HECW2: variants seen among roughly 807,000 people sequenced by gnomAD.
HECW2 encodes E3 ubiquitin-protein ligase HECW2.
In HECW2, 61 loss-of-function variants were observed where a neutral mutation model predicts 175.2. That is an observed-to-expected ratio of 0.35 (90% CI 0.28 to 0.43). HECW2 has a LOEUF of 0.43. HECW2 is among the 20% of genes least tolerant of loss of function. The pLI, the probability that HECW2 is intolerant of heterozygous loss-of-function variation, is 1.00. For synonymous variants in HECW2, 671 were observed against 731.0 expected (o/e 0.92, Z 1.32); for missense variants, 1,524 against 2,000.5 (o/e 0.76, Z 4.54).
Position 196,254,972 on chromosome 2 carries a change from CTTTT to C in HECW2, c.3420-947_3420-944del, listed in dbSNP as rs10587104. Among the ~76,000 whole-genome samples the C allele has an allele frequency of 2.3e-3, 279 of 120,466 alleles. 1 individual carries two copies. Among genetic ancestry groups the C allele is most frequent in the Non-Finnish European group, 3.6e-3 (202 of 55,842 alleles). The allele number at this position is 120,466 out of a possible 152,430, so 79.0% of individuals were successfully genotyped here. The stretch of plus-strand genomic sequence containing the variant: ...CTTTATGTATCCACAATCTGGTTTC[CTTTT>C]TTTTTTTTTTTTTCTGAGACAGAGT... On this transcript the variant is annotated intron_variant, in intron 18 of 28. Transcript: ENST00000644978.
At chr2:196,463,014 A>T (rs1696808960) in intron 1 of HECW2, among the ~76,000 whole-genome samples, 1 of 152,294 alleles carries the variant, frequency 6.6e-6, no homozygotes, top group African/African-American at 2.4e-5. Context: ...GTAGTATGCC[A>T]GGGCTTCTGA....
At chr2:196,410,354 T>C (rs6759442) in intron 2 of HECW2, among the ~76,000 whole-genome samples, 3,670 of 152,276 alleles carry the variant, frequency 0.024, 156 homozygotes, top group African/African-American at 0.083. Context: ...TTTGTAAGTG[T>C]GTTGGAGCCA....
intron 2 of HECW2, among the ~76,000 whole-genome samples, chr2:196,348,738 T>A (rs1427760647): frequency 6.6e-6 from 1 of 152,194 alleles, no homozygotes; most frequent in East Asian, 1.9e-4. Flanking sequence ...AATTATAACT[T>A]TATTTCTTCC....
intron 2 of HECW2, among the ~76,000 whole-genome samples, chr2:196,345,723 C>T (rs1286780327): frequency 6.6e-6 from 1 of 152,174 alleles, no homozygotes; most frequent in Non-Finnish European, 1.5e-5. Flanking sequence ...TATACCCATC[C>T]TAAAAACCAC....
intron 1 of HECW2, among the ~76,000 whole-genome samples, chr2:196,557,521 G>A (rs1233420229): frequency 1.3e-5 from 2 of 152,078 alleles, no homozygotes; most frequent in Non-Finnish European, 2.9e-5. Flanking sequence ...GCACAAAAGT[G>A]TATACAGCTT....
chr2:196,390,359 T>C (rs1269803107), intron 2 of HECW2, among the ~76,000 whole-genome samples: 3 of 152,200 alleles, frequency 2.0e-5, no homozygotes, highest in East Asian at 3.9e-4. Flanking sequence ...GTCAACTTGA[T>C]AGTTTAATTA....
chr2:196,329,661 A>G lies in HECW2; in HGVS notation c.496-11T>C, dbSNP rs1692285313. On this transcript the variant is annotated splice_polypyrimidine_tract_variant and intron_variant, in intron 4 of 28. Transcript: ENST00000644978. ...GCCTTCTGCCCCCATCTGAAAAGAA[A>G]AAACATGCATCTGAAGTTTCAGAAG... 6.2e-7 allele frequency: 1 copy of G among 1,612,226 alleles called. No individual in the cohort carries two copies. Among genetic ancestry groups the G allele is most frequent in the South Asian group, 1.1e-5 (1 of 91,028 alleles).
chr2:196,551,172 A>G (rs1048812264), intron 1 of HECW2, among the ~76,000 whole-genome samples: 1 of 152,210 alleles, frequency 6.6e-6, no homozygotes. Context: ...ATAGCTCCAT[A>G]GGCTACATAA....
chr2:196,507,298 G>A (rs1559148814), intron 1 of HECW2, among the ~76,000 whole-genome samples: 1 of 151,210 alleles, frequency 6.6e-6, no homozygotes, highest in East Asian at 1.9e-4. Flanking sequence ...CTTTTTTGAG[G>A]TAAGTAATAC....
intron 1 of HECW2, among the ~76,000 whole-genome samples, chr2:196,572,514 A>C (rs938926257): frequency 3.9e-5 from 6 of 152,140 alleles, no homozygotes; most frequent in African/African-American, 1.4e-4. Context: ...AGAGTTCTAG[A>C]GATTGGTTGC....
At chr2:196,572,302 C>T (rs1326061873) in intron 1 of HECW2, among the ~76,000 whole-genome samples, 1 of 152,106 alleles carries the variant, frequency 6.6e-6, no homozygotes, top group Non-Finnish European at 1.5e-5. Context: ...CCCACCTCAG[C>T]CTCTCAAGTA....
chr2:196,496,424 T>C (rs1687395627), intron 1 of HECW2, among the ~76,000 whole-genome samples: 1 of 150,950 alleles, frequency 6.6e-6, no homozygotes. Flanking sequence ...ATATATATAG[T>C]ACATATATTT....
chr2:196,367,854 TTGTGTGTG>T (rs59971469), intron 2 of HECW2, among the ~76,000 whole-genome samples: 9 of 130,182 alleles, frequency 6.9e-5, no homozygotes, highest in African/African-American at 2.6e-4. Flanking sequence ...TAGTACTCCA[TTGTGTGTG>T]TGTGTGTGTG....
intron 18 of HECW2, among the ~76,000 whole-genome samples, chr2:196,255,441 T>C (rs1014593087): frequency 1.3e-5 from 2 of 152,128 alleles, no homozygotes; most frequent in African/African-American, 4.8e-5. Context: ...CTGATAGAGG[T>C]ATATTTTTTA....
intron 2 of HECW2, among the ~76,000 whole-genome samples, chr2:196,375,387 A>G (rs1694024552): frequency 6.6e-6 from 1 of 152,236 alleles, no homozygotes; most frequent in Non-Finnish European, 1.5e-5. Flanking sequence ...AGACACACAC[A>G]GAAATCACAC....
intron 1 of HECW2, among the ~76,000 whole-genome samples, chr2:196,574,785 GTTACA>G (rs1388796687): frequency 6.6e-6 from 1 of 152,092 alleles, no homozygotes; most frequent in Non-Finnish European, 1.5e-5. Flanking sequence ...ATATTACCAA[GTTACA>G]TTAATCAAAA....
At chr2:196,335,813 C>T (rs1020525081) in intron 3 of HECW2, among the ~76,000 whole-genome samples, 1 of 152,162 alleles carries the variant, frequency 6.6e-6, no homozygotes, top group Admixed American at 6.6e-5. Context: ...ATTTTTACTA[C>T]GTACCTGCCA....
At chr2:196,315,072 T>C (rs934189830) in intron 10 of HECW2, among the ~76,000 whole-genome samples, 6 of 151,768 alleles carry the variant, frequency 4.0e-5, no homozygotes, top group Non-Finnish European at 7.4e-5. Context: ...TATGCTCAGA[T>C]CACAATCCAA....
intron 1 of HECW2, among the ~76,000 whole-genome samples, chr2:196,524,864 T>C (rs1028458065): frequency 1.6e-4 from 20 of 124,730 alleles, no homozygotes; most frequent in Non-Finnish European, 6.4e-5. Flanking sequence ...ATTTCTGTTC[T>C]TTTACATTTG....
Sources: allele counts gnomAD v4.1 joint callset (sites outside exome capture counted in the v4.1 genomes callset), GRCh38; gene constraint gnomAD v4.1.1; transcripts MANE v1.5; gene names NCBI Gene and HGNC (gene_info 2026-07-23, HGNC 2026-07-21).